EXPH5: variants seen among roughly 807,000 people sequenced by gnomAD.
EXPH5 encodes the protein exophilin 5.
A neutral mutation model predicts 41.1 loss-of-function variants in EXPH5; 42 were observed. The observed-to-expected ratio is 1.02, with a 90% CI of 0.80 to 1.32. EXPH5 has a LOEUF of 1.32. Ranked by LOEUF, EXPH5 falls within the 40% of genes most tolerant of loss-of-function variation. The pLI is 0.00. For synonymous variants in EXPH5, 798 were observed against 833.5 expected, an observed-to-expected ratio of 0.96 and a Z score of 0.73; for missense variants, 2,298 against 2,314.5, an observed-to-expected ratio of 0.99 and a Z score of 0.15.
intron 1 of EXPH5, among the ~76,000 whole-genome samples, chr11:108,567,680 T>C (rs2094040478): frequency 6.6e-6 from 1 of 152,158 alleles, no homozygotes; most frequent in Admixed American, 6.5e-5. Flanking sequence ...TCAATAAAAA[T>C]GAAAACATCC....
intron 1 of EXPH5, among the ~76,000 whole-genome samples, chr11:108,566,483 G>A (rs753007260): frequency 2.6e-5 from 4 of 152,164 alleles, no homozygotes; most frequent in Non-Finnish European, 5.9e-5. Context: ...CTTGCATCAA[G>A]AGAAACTGAC....
rs200727347 is a variant in EXPH5, at chr11:108,511,474, G to A, written c.4033C>T (p.Gln1345Ter). 180 of 1,582,104 alleles carry A rather than the reference G, an allele frequency of 1.1e-4. No individual in the cohort carries two copies. Among genetic ancestry groups the A allele is most frequent in the Non-Finnish European group, 1.5e-4 (170 of 1,168,930 alleles). The change falls in exon 6 of 6, where the codon CAG becomes TAG. Residue 1345 changes from glutamine (Q) to a stop codon, truncating the protein, a stop_gained. Transcript: ENST00000265843. LOFTEE classifies it low-confidence loss of function (END_TRUNC). Reference protein sequence around the residue: ...SNRGPLAPTLQEMASVEAAVS... With the variant: ...SNRGPLAPTL The stretch of plus-strand genomic sequence containing the variant: ...GCTGCCTCAACAGAAGCCATTTCCT[G>A]TAATGTAGGAGCTAGGGGCCCCCTA...
At chr11:108,566,619 G>A (rs950658524) in intron 1 of EXPH5, among the ~76,000 whole-genome samples, 3 of 152,078 alleles carry the variant, frequency 2.0e-5, no homozygotes, top group South Asian at 2.1e-4. Context: ...TTGGGAGGCC[G>A]AGGTGGGAGG....
intron 3 of EXPH5, among the ~76,000 whole-genome samples, chr11:108,536,259 A>G (rs1404282209): frequency 6.6e-6 from 1 of 151,622 alleles, no homozygotes; most frequent in African/African-American, 2.4e-5. Flanking sequence ...TATTTGAGGC[A>G]GAAGTGGTAA....
intron 1 of EXPH5, among the ~76,000 whole-genome samples, chr11:108,575,066 T>C (rs2094075426): frequency 6.6e-6 from 1 of 152,236 alleles, no homozygotes; most frequent in Non-Finnish European, 1.5e-5. Context: ...ACCAGAAGCT[T>C]TCTGGATACA....
In EXPH5 at chr11:108,509,713, G is replaced by T. The variant is rs777529931; in HGVS notation, c.5794C>A (p.Pro1932Thr). The change falls in exon 6 of 6, where the codon CCC (proline) becomes ACC (threonine). Residue 1932 changes from proline to threonine, a missense_variant. Transcript: ENST00000265843. ...GAATTTGAGCTTAATGACTCTGAGG[G>T]GTTGGGAGGGTTCCTCAAATCATCT... Reference protein sequence around the residue: ...LKDDLRNPPNPSESLSSNSPS... With the variant: ...LKDDLRNPPNTSESLSSNSPS... 6.2e-6 allele frequency: 10 copies of T among 1,609,750 alleles called. No homozygotes were observed. Among genetic ancestry groups the T allele is most frequent in the Non-Finnish European group, 8.5e-6 (10 of 1,178,782 alleles).
At position 108,510,148 on chromosome 11, in the gene EXPH5, G is replaced by A. The variant is rs772841357; in HGVS notation, c.5359C>T (p.Pro1787Ser). The A allele has an allele frequency of 1.1e-5, 17 of 1,613,962 alleles. No individual in the cohort carries two copies. Among genetic ancestry groups the A allele is most frequent in the Admixed American group, 1.7e-5 (1 of 60,024 alleles). ...TTTGAACGATAGAGGTGTGGCTCAGGTTCCCACTCCAGAGATGAAGCACTC... is the reference window on the plus strand; with the variant it reads ...TTTGAACGATAGAGGTGTGGCTCAGATTCCCACTCCAGAGATGAAGCACTC... ...QRSASSLEWEPEPHLYRSKSL... is the reference protein window; with the variant it reads ...QRSASSLEWESEPHLYRSKSL... Residue 1787 changes from proline to serine, a missense_variant, in exon 6 of 6, where the codon CCT (proline) becomes TCT (serine). Transcript: ENST00000265843.
intron 1 of EXPH5, among the ~76,000 whole-genome samples, chr11:108,584,088 G>C (rs2094106619): frequency 6.6e-6 from 1 of 152,168 alleles, no homozygotes; most frequent in Non-Finnish European, 1.5e-5. Flanking sequence ...GAATGATATA[G>C]ACAAAATAGT....
At chr11:108,556,329 C>T (rs981074027) in intron 1 of EXPH5, among the ~76,000 whole-genome samples, 5 of 151,826 alleles carry the variant, frequency 3.3e-5, no homozygotes, top group Admixed American at 2.0e-4. Context: ...GGGGATTTGC[C>T]TGTTTTTGTT....
chr11:108,533,362 C>T (rs1211414929), intron 3 of EXPH5, among the ~76,000 whole-genome samples: 1 of 152,116 alleles, frequency 6.6e-6, no homozygotes, highest in African/African-American at 2.4e-5. Context: ...TGCCACCACA[C>T]CTGGCTAATT....
At chr11:108,515,120 C>T (rs1032430594) in intron 5 of EXPH5, among the ~76,000 whole-genome samples, 7 of 151,792 alleles carry the variant, frequency 4.6e-5, no homozygotes, top group African/African-American at 7.3e-5. Flanking sequence ...CCATTAACGC[C>T]GTAAGGAAAT....
chr11:108,519,740 T>C (rs1425708879), intron 4 of EXPH5, among the ~76,000 whole-genome samples: 1 of 149,460 alleles, frequency 6.7e-6, no homozygotes, highest in African/African-American at 2.5e-5. Context: ...AGAGTGAGAC[T>C]CTGTCTTGGA....
upstream of EXPH5, among the ~76,000 whole-genome samples, chr11:108,595,158 A>G (rs2094136977): frequency 6.6e-6 from 1 of 152,268 alleles, no homozygotes; most frequent in African/African-American, 2.4e-5. Flanking sequence ...CAACCAACGT[A>G]TCCTGGTGCC....
chr11:108,517,387 G>A (rs1054612376), intron 5 of EXPH5, among the ~76,000 whole-genome samples: 2 of 152,104 alleles, frequency 1.3e-5, no homozygotes, highest in African/African-American at 4.8e-5. Flanking sequence ...AGGCCCCTAC[G>A]TTGACTGTCC....
upstream of EXPH5, among the ~76,000 whole-genome samples, chr11:108,595,097 T>C (rs1408704157): frequency 6.6e-6 from 1 of 152,254 alleles, no homozygotes; most frequent in Non-Finnish European, 1.5e-5. Context: ...CTTTTCAATA[T>C]GGTCACTGGT....
rs1351913387 is a variant in EXPH5, at chr11:108,578,023, G to A, written c.119+15395C>T. ...ATGATGTTGATTGTTTCTTTGCTGT[G>A]GAGAAGCTTTTTAGCTTGATATAAT... On this transcript the variant is annotated intron_variant, in intron 1 of 5. Coordinates refer to ENST00000265843, the MANE Select transcript of EXPH5 (RefSeq NM_015065.3). Among the ~76,000 whole-genome samples, 3 of 152,046 alleles carry A rather than the reference G, an allele frequency of 2.0e-5. No homozygotes were observed. The East Asian group carries it at 5.8e-4, about 29-fold the overall frequency.
intron 5 of EXPH5, among the ~76,000 whole-genome samples, chr11:108,518,029 A>G (rs777929163): frequency 1.3e-5 from 2 of 152,192 alleles, no homozygotes; most frequent in Non-Finnish European, 2.9e-5. Context: ...TGATTCAAGA[A>G]TATTTGCTTA....
chr11:108,532,581 C>T (rs1167811222), intron 3 of EXPH5, among the ~76,000 whole-genome samples: 1 of 150,894 alleles, frequency 6.6e-6, no homozygotes, highest in African/African-American at 2.4e-5. Flanking sequence ...AATGATCAAC[C>T]TCATCATTTG....
At chr11:108,529,158 A>C (rs2135986638) in intron 3 of EXPH5, among the ~76,000 whole-genome samples, 2 of 152,246 alleles carry the variant, frequency 1.3e-5, no homozygotes, top group Admixed American at 1.3e-4. Context: ...AGAGAAAAAA[A>C]CCACTACAAC....
Sources: allele counts gnomAD v4.1 joint callset (sites outside exome capture counted in the v4.1 genomes callset), GRCh38; gene constraint gnomAD v4.1.1; transcripts MANE v1.5; gene names NCBI Gene and HGNC (gene_info 2026-07-23, HGNC 2026-07-21).